Variants in CBLB observed in about 807,000 individuals in gnomAD.
CBLB encodes the protein Cbl proto-oncogene B.
CBLB carries 31 observed loss-of-function variants against 104.9 expected under a neutral mutation model. The ratio of observed to expected loss-of-function variants is 0.30; its 90% CI spans 0.22 to 0.40. The LOEUF (loss-of-function observed/expected upper bound fraction) is 0.40. Among genes scored for constraint, CBLB ranks in the 10% least tolerant of loss-of-function variants. The probability of loss-of-function intolerance (pLI) is 1.00; values close to 1 mark genes in which losing one functional copy is unlikely to be tolerated. For missense variants in CBLB, 1,062 were observed against 1,214.6 expected (o/e 0.87, Z 1.87); for synonymous variants, 440 against 422.6 (o/e 1.04, Z -0.51).
intron 18 of CBLB, among the ~76,000 whole-genome samples, chr3:105,668,082 T>C (rs1416895121): frequency 6.6e-6 from 1 of 152,174 alleles, no homozygotes; most frequent in East Asian, 1.9e-4. Context: ...TTATTTTCTG[T>C]GGTTGACTGT....
chr3:105,722,871 C>T (rs2073084220), intron 9 of CBLB, among the ~76,000 whole-genome samples: 1 of 152,156 alleles, frequency 6.6e-6, no homozygotes, highest in Non-Finnish European at 1.5e-5. Context: ...AGATTTTTCT[C>T]TATGCTACTT....
intron 9 of CBLB, among the ~76,000 whole-genome samples, chr3:105,722,191 C>T (rs539623556): frequency 1.9e-5 from 2 of 103,616 alleles, no homozygotes; most frequent in East Asian, 5.3e-4. Flanking sequence ...AGGGTAAGAC[C>T]CCGTGCCAAA....
chr3:105,665,957 T>C (rs1185704734), intron 18 of CBLB, among the ~76,000 whole-genome samples: 1 of 150,738 alleles, frequency 6.6e-6, no homozygotes, highest in Non-Finnish European at 1.5e-5. Context: ...ACCCAGGAGG[T>C]GGAGGTTGCA....
In CBLB at chr3:105,715,757, C is replaced by T. The variant is rs141741852; in HGVS notation, c.1407+4290G>A. ...TTAAAAATAAATGAGTAAGTCCAGG[C>T]ACCAGGCACGGTGGCTCATGCCTGT... On this transcript the variant is annotated intron_variant, in intron 10 of 18. Coordinates refer to ENST00000394030, the MANE Select transcript of CBLB (RefSeq NM_170662.5). Among the ~76,000 whole-genome samples the T allele has an allele frequency of 3.3e-5, 5 of 152,198 alleles. No homozygotes were observed. In the East Asian group the frequency reaches 9.7e-4, roughly 29 times the overall value.
At chr3:105,682,592 C>T (rs946933752) in intron 14 of CBLB, among the ~76,000 whole-genome samples, 6 of 152,092 alleles carry the variant, frequency 3.9e-5, no homozygotes, top group Admixed American at 6.5e-5. Context: ...CCGCAACCTC[C>T]GCCTACCAGG....
intron 4 of CBLB, among the ~76,000 whole-genome samples, chr3:105,759,291 T>C (rs1304456233): frequency 6.6e-6 from 1 of 152,028 alleles, no homozygotes; most frequent in Non-Finnish European, 1.5e-5. Context: ...TGCTGACTGG[T>C]CCAAGGGCAG....
At chr3:105,823,592 G>A (rs532961523) in intron 3 of CBLB, among the ~76,000 whole-genome samples, 3 of 152,130 alleles carry the variant, frequency 2.0e-5, no homozygotes, top group Admixed American at 6.6e-5. Flanking sequence ...AAATCCTCCT[G>A]ACTGAGTCAC....
chr3:105,656,788 T>C lies in CBLB; in HGVS notation c.*2182A>G, dbSNP rs2063379832. The stretch of plus-strand genomic sequence containing the variant: ...ATATATTAGGAATGTTGCAACAATG[T>C]TATCACAATGAAGTGGCAACTTTTG... On this transcript the variant is annotated 3_prime_UTR_variant, in exon 19 of 19. Transcript: ENST00000394030. The C allele has an allele frequency of 4.9e-6, 1 of 203,310 alleles. No individual in the cohort carries two copies. The highest frequency in any genetic ancestry group is 2.3e-5 in the African/African-American group (1 of 43,720). 12.6% of individuals were successfully genotyped at this position (203,310 alleles called of 1,614,324 possible).
chr3:105,675,296 T>C (rs1448361843), intron 17 of CBLB, among the ~76,000 whole-genome samples: 2 of 152,192 alleles, frequency 1.3e-5, no homozygotes, highest in African/African-American at 4.8e-5. Flanking sequence ...GCAGTCCCTT[T>C]TATTTACCTT....
intron 10 of CBLB, among the ~76,000 whole-genome samples, chr3:105,718,647 C>A (rs1326555650): frequency 6.6e-6 from 1 of 152,156 alleles, no homozygotes; most frequent in Admixed American, 6.5e-5. Flanking sequence ...ATGCTACCTG[C>A]CAAATCCTAA....
intron 3 of CBLB, among the ~76,000 whole-genome samples, chr3:105,848,580 AATG>A (rs1329438010): frequency 6.6e-6 from 1 of 152,070 alleles, no homozygotes; most frequent in Non-Finnish European, 1.5e-5. Context: ...TCTCCCCTTA[AATG>A]TATAACAATC....
rs1417815431 is a variant in CBLB at position 105,672,884 on chromosome 3, C to A, written c.2570-2532G>T. 2.0e-5 allele frequency: 3 copies of A among 151,932 alleles called. No individual in the cohort carries two copies. The East Asian group carries it at 5.8e-4, about 29-fold the overall frequency. The allele number at this position is 151,932 out of a possible 1,614,324, so 9.4% of individuals were successfully genotyped here. A position where few individuals can be genotyped will look rare whatever the true frequency, so the allele number is the denominator to read the frequency against. ...TATATTGTGTACAAATATTTAACAA[C>A]TATATACATTGCTCATGACATATTA... On this transcript the variant is annotated intron_variant, in intron 17 of 18. Coordinates refer to ENST00000394030, the MANE Select transcript of CBLB (RefSeq NM_170662.5).
intron 6 of CBLB, among the ~76,000 whole-genome samples, chr3:105,744,943 A>G (rs1389536413): frequency 6.6e-6 from 1 of 152,030 alleles, no homozygotes; most frequent in Non-Finnish European, 1.5e-5. Flanking sequence ...ACAAAGCAAA[A>G]CAAAACAAAA....
chr3:105,826,872 A>C (rs2086657871), intron 3 of CBLB, among the ~76,000 whole-genome samples: 1 of 152,218 alleles, frequency 6.6e-6, no homozygotes. Context: ...TCATTCATAT[A>C]TAAAATGAAT....
intron 3 of CBLB, among the ~76,000 whole-genome samples, chr3:105,794,120 C>T (rs2081991633): frequency 6.6e-6 from 1 of 152,084 alleles, no homozygotes; most frequent in Non-Finnish European, 1.5e-5. Context: ...ACACAAAATA[C>T]AAAGATTTAT....
chr3:105,758,896 C>T (rs2077330923), intron 4 of CBLB, among the ~76,000 whole-genome samples: 2 of 152,242 alleles, frequency 1.3e-5, no homozygotes, highest in African/African-American at 4.8e-5. Context: ...TAGGTGTGGG[C>T]TCCCCAAAGG....
chr3:105,773,616 A>G (rs1198626882), intron 4 of CBLB, among the ~76,000 whole-genome samples: 1 of 152,162 alleles, frequency 6.6e-6, no homozygotes, highest in African/African-American at 2.4e-5. Flanking sequence ...TTTTAACGCT[A>G]GTAATATATT....
chr3:105,736,754 T>C (rs925622922), intron 8 of CBLB, among the ~76,000 whole-genome samples: 2 of 152,126 alleles, frequency 1.3e-5, no homozygotes, highest in African/African-American at 2.4e-5. Context: ...CTTACATTCC[T>C]ATTCATAAGC....
At chr3:105,718,309 T>G (rs1559941039) in intron 10 of CBLB, among the ~76,000 whole-genome samples, 1 of 152,088 alleles carries the variant, frequency 6.6e-6, no homozygotes, top group African/African-American at 2.4e-5. Context: ...ATAAGATAAA[T>G]AATAAAAATC....
Sources: allele counts gnomAD v4.1 joint callset (sites outside exome capture counted in the v4.1 genomes callset), GRCh38; gene constraint gnomAD v4.1.1; transcripts MANE v1.5; gene names NCBI Gene and HGNC (gene_info 2026-07-23, HGNC 2026-07-21).